The following SYNE1 variants were observed in gnomAD, a reference collection of about 807,000 sequenced individuals.
The protein encoded by SYNE1 is nesprin-1.
A neutral mutation model predicts 1,111.0 loss-of-function variants in SYNE1; 616 were observed. The observed-to-expected ratio is 0.55, with a 90% confidence interval of 0.52 to 0.59. The LOEUF is 0.59. SYNE1 is among the 20% of genes least tolerant of loss of function. The probability of loss-of-function intolerance (pLI) is 0.00; values close to 1 mark genes in which losing one functional copy is unlikely to be tolerated. For missense variants in SYNE1, 10,006 were observed against 10,417.0 expected (o/e 0.96, Z 1.72); for synonymous variants, 3,855 against 3,825.8 (o/e 1.01, Z -0.28).
At chr6:152,581,672 C>T (rs1466290577) in intron 3 of SYNE1, among the ~76,000 whole-genome samples, 1 of 152,100 alleles carries the variant, frequency 6.6e-6, no homozygotes, top group Non-Finnish European at 1.5e-5. Flanking sequence ...ATCACTTTCC[C>T]TTGATGTTTC....
rs780830496 is a variant in SYNE1 at position 152,219,068 on chromosome 6, G to C, written c.21979C>G (p.Leu7327Val). ...GCACACAAGTGTTGACTCAAAGAGA[G>C]TTGATCCGATTGAATAGCTGATGCT... Reference protein sequence around the residue: ...SAASAIQSDQLSLSQHLCALE... With the variant: ...SAASAIQSDQVSLSQHLCALE... Residue 7327 changes from leucine (L) to valine (V), a missense_variant, in exon 120 of 146, where the codon CTC becomes GTC. This residue lies in a region of SYNE1 where 2,182 missense variants were observed against 2,287.8 expected (regional missense o/e 0.95). Coordinates refer to ENST00000367255, the MANE Select transcript of SYNE1 (RefSeq NM_182961.4). 1.2e-6 allele frequency: 2 copies of C among 1,614,180 alleles called. No homozygotes were observed. Among genetic ancestry groups the C allele is most frequent in the Non-Finnish European group, 1.7e-6 (2 of 1,180,020 alleles).
chr6:152,218,471 G>A, intron 120 of SYNE1, 68 bp from the exon 121 acceptor site: 2 of 1,539,448 alleles, frequency 1.3e-6, no homozygotes, highest in South Asian at 1.1e-5. Context: ...AATAAAGTCT[G>A]GTAAAAGGGC....
In SYNE1 at chr6:152,137,054, C is replaced by T. The variant is rs182073080; in HGVS notation, c.25459-236G>A. 4.1e-3 allele frequency among the ~76,000 whole-genome samples: 620 copies of T among 152,002 alleles called. 8 individuals carry two copies. Among genetic ancestry groups the T allele is most frequent in the Non-Finnish European group, 5.0e-3 (343 of 67,964 alleles). Reference sequence around the variant, plus strand: ...AAGAAAACAGGGTGTAGAGTGAAAACGTCAGAAACAGAATGTTACATGGAA... The same window carrying T: ...AAGAAAACAGGGTGTAGAGTGAAAATGTCAGAAACAGAATGTTACATGGAA... On this transcript the variant is annotated intron_variant, in intron 140 of 145. Coordinates refer to ENST00000367255, the MANE Select transcript of SYNE1 (RefSeq NM_182961.4).
intron 3 of SYNE1, among the ~76,000 whole-genome samples, chr6:152,552,558 C>G (rs560666874): frequency 1.3e-5 from 2 of 151,950 alleles, no homozygotes; most frequent in East Asian, 3.9e-4. Context: ...CTTGACAAGA[C>G]GTAAAGAGAG....
intron 32 of SYNE1, among the ~76,000 whole-genome samples, chr6:152,438,463 A>G (rs982199143): frequency 4.6e-5 from 7 of 152,212 alleles, no homozygotes; most frequent in African/African-American, 1.7e-4. Flanking sequence ...AAATTAAACA[A>G]AAACAGAATA....
intron 51 of SYNE1, among the ~76,000 whole-genome samples, chr6:152,394,941 C>T (rs980457912): frequency 2.6e-5 from 4 of 151,810 alleles, no homozygotes; most frequent in African/African-American, 4.8e-5. Flanking sequence ...CTCCACCACG[C>T]CCAGCTAATT....
intron 3 of SYNE1, among the ~76,000 whole-genome samples, chr6:152,584,384 T>C (rs748008099): frequency 9.9e-5 from 15 of 152,174 alleles, no homozygotes; most frequent in Non-Finnish European, 2.2e-4. Flanking sequence ...AAATACATAT[T>C]TAATGTATTC....
chr6:152,135,174 T>C lies in SYNE1; in HGVS notation c.25718A>G (p.Lys8573Arg). The C allele has an allele frequency of 6.2e-7, 1 of 1,614,160 alleles. No individual in the cohort carries two copies. Among genetic ancestry groups the C allele is most frequent in the Non-Finnish European group, 8.5e-7 (1 of 1,180,012 alleles). The change falls in exon 142 of 146, where the codon AAA becomes AGA. Residue 8573 changes from lysine (K) to arginine (R), a missense_variant. Lys to Arg is a conservative substitution (Grantham distance 26). Around this residue, in one of 7 missense-constraint regions of SYNE1, gnomAD observed 761 missense variants for 795.5 expected, o/e 0.96. Coordinates refer to ENST00000367255, the MANE Select transcript of SYNE1 (RefSeq NM_182961.4). ...LLMLENIDRR[K>R]NEIVPIDSNL... ...AGAATCAATAGGGACAATTTCATTT[T>C]TCCTTCTGTCAATGTTCTCCAGCAT... is the stretch of plus-strand genomic sequence containing the variant.
At chr6:152,296,235 C>T (rs2094874807) in intron 93 of SYNE1, among the ~76,000 whole-genome samples, 1 of 152,164 alleles carries the variant, frequency 6.6e-6, no homozygotes, top group African/African-American at 2.4e-5. Flanking sequence ...TCCGGAAACA[C>T]TTTCTAAAAA....
At chr6:152,265,975 T>C (rs2092663786) in intron 100 of SYNE1, among the ~76,000 whole-genome samples, 1 of 152,102 alleles carries the variant, frequency 6.6e-6, no homozygotes, top group African/African-American at 2.4e-5. Flanking sequence ...TATACATATA[T>C]ATTTACTTTG....
Position 152,353,138 on chromosome 6 carries a change from A to G in SYNE1, c.11253+125T>C, listed in dbSNP as rs372616904. The G allele has an allele frequency of 2.9e-4, 369 of 1,287,982 alleles. 1 individual carries two copies. The African/African-American group carries it at 5.2e-3, about 18-fold the overall frequency. 79.8% of individuals were successfully genotyped at this position (1,287,982 alleles called of 1,614,324 possible). A position where few individuals can be genotyped will look rare whatever the true frequency, so the allele number is the denominator to read the frequency against. The stretch of plus-strand genomic sequence containing the variant: ...CCAACTTAGTATTTCAAGTAAAATG[A>G]TGAGCTCAGGATCACCAATCATAAT... On this transcript the variant is annotated intron_variant, in intron 69 of 145. Coordinates refer to ENST00000367255, the MANE Select transcript of SYNE1 (RefSeq NM_182961.4).
chr6:152,552,976 C>G (rs765891017), intron 3 of SYNE1, among the ~76,000 whole-genome samples: 1 of 151,902 alleles, frequency 6.6e-6, no homozygotes, highest in Non-Finnish European at 1.5e-5. Context: ...CAAGTTTATT[C>G]GTATAGTAAT....
rs1057521813 is a variant in SYNE1, at chr6:152,385,791, A to G, written c.8535T>C (p.Tyr2845=). 6.2e-7 allele frequency: 1 copy of G among 1,614,022 alleles called. No individual in the cohort carries two copies. Among genetic ancestry groups the G allele is most frequent in the East Asian group, 2.2e-5 (1 of 44,860 alleles). ...VEEIVKDHLM[Y]LDAVHEFTDW... ...CTGTGAACTCGTGGACCGCATCTAA[A>G]TACATTAGATGATCTTTCACAATCT... Residue 2845 remains tyrosine (Y), a synonymous_variant, in exon 55 of 146, where the codon TAT becomes TAC. Transcript: ENST00000367255.
In SYNE1 at chr6:152,156,337, T is replaced by C. The variant is rs1316815782; in HGVS notation, c.23791-240A>G. On this transcript the variant is annotated intron_variant, in intron 131 of 145. Transcript: ENST00000367255. Reference sequence around the variant, plus strand: ...CAAAATATAAACTGAACAAATGAAATGGTCTACACTAAGAGTAAAACTAAC... The same window carrying C: ...CAAAATATAAACTGAACAAATGAAACGGTCTACACTAAGAGTAAAACTAAC... 3.3e-5 allele frequency among the ~76,000 whole-genome samples: 5 copies of C among 152,088 alleles called. No individual in the cohort carries two copies. The East Asian group carries it at 9.7e-4, about 29-fold the overall frequency.
chr6:152,550,791 A>T (rs1360114634), intron 3 of SYNE1, among the ~76,000 whole-genome samples: 1 of 152,242 alleles, frequency 6.6e-6, no homozygotes, highest in East Asian at 1.9e-4. Flanking sequence ...TTGAGAGTGA[A>T]CCATAATAAA....
intron 41 of SYNE1, among the ~76,000 whole-genome samples, chr6:152,414,479 T>C (rs1469379708): frequency 6.6e-6 from 1 of 152,146 alleles, no homozygotes; most frequent in Non-Finnish European, 1.5e-5. Context: ...TATAGGACTG[T>C]AGAGTTCACA....
chr6:152,592,356 C>T (rs898647598), intron 3 of SYNE1, among the ~76,000 whole-genome samples: 3 of 152,114 alleles, frequency 2.0e-5, no homozygotes, highest in African/African-American at 2.4e-5. Flanking sequence ...AAATGTAGTA[C>T]ATATACACCA....
chr6:152,273,375 T>C (rs1382577293), intron 98 of SYNE1, among the ~76,000 whole-genome samples: 2 of 152,254 alleles, frequency 1.3e-5, no homozygotes, highest in Non-Finnish European at 2.9e-5. Flanking sequence ...ATTTGAGCAT[T>C]TATTGTATTA....
At chr6:152,343,957 C>A in intron 74 of SYNE1, 124 bp downstream of exon 74, 2 of 1,398,452 alleles carry the variant, frequency 1.4e-6, no homozygotes, top group East Asian at 2.4e-5. Flanking sequence ...CAACCTCAGA[C>A]CTTCTTCCTA....
Sources: allele counts gnomAD v4.1 joint callset (sites outside exome capture counted in the v4.1 genomes callset), GRCh38; gene constraint gnomAD v4.1.1; regional missense constraint gnomAD v4.1.1; transcripts MANE v1.5; gene names NCBI Gene and HGNC (gene_info 2026-07-23, HGNC 2026-07-21).